The following LMNB2 variants were observed in gnomAD, a reference collection of about 807,000 sequenced individuals.
The protein encoded by LMNB2 is lamin-B2.
In LMNB2, 17 loss-of-function variants were observed where a neutral mutation model predicts 69.3. The ratio of observed to expected loss-of-function variants is 0.25; its 90% CI spans 0.17 to 0.37. LMNB2 has a LOEUF of 0.37. Among genes scored for constraint, LMNB2 ranks in the 10% least tolerant of loss-of-function variants. The pLI is 1.00. For missense variants in LMNB2, 789 were observed against 883.6 expected, an observed-to-expected ratio of 0.89 and a Z score of 1.36; for synonymous variants, 397 against 389.3, an observed-to-expected ratio of 1.02 and a Z score of -0.23.
intron 9 of LMNB2, 47 bp from the exon 10 acceptor site, chr19:2,431,949 A>C (rs1411448118): frequency 1.9e-6 from 3 of 1,575,964 alleles, no homozygotes; most frequent in Non-Finnish European, 2.6e-6. Flanking sequence ...CTCTGGTTCC[A>C]GGGACGTGGG....
rs1022185790 is a variant in LMNB2, at chr19:2,456,720, C to A, written c.214G>T (p.Asp72Tyr). Residue 72 changes from aspartate (D) to tyrosine (Y), a missense_variant, in exon 1 of 12, where the codon GAC becomes TAC. Transcript: ENST00000325327. ...TCTGAGATCTTGAGCAGGAGCCGGT[C>A]GTTCTCCAGCTCCAGCGCGCGGACG... ...DRVRALELEN[D>Y]RLLLKISEKE... The A allele has an allele frequency of 2.6e-6, 4 of 1,564,640 alleles. No homozygotes were observed. The highest frequency in any genetic ancestry group is 3.5e-6 in the Non-Finnish European group (4 of 1,156,008).
chr19:2,434,504 A>G lies in LMNB2; in HGVS notation c.993T>C (p.Ala331=). Residue 331 remains alanine, a synonymous_variant, in exon 7 of 12, where the codon GCT becomes GCC. Coordinates refer to ENST00000325327, the MANE Select transcript of LMNB2 (RefSeq NM_032737.4). ...LSGLQKQASA[A]EDRIRELEEA... ...CCTCCAGCTCCCGAATGCGATCTTC[A>G]GCGGCACTGGCCTGCGGAGGGGGCG... 1 of 1,612,628 alleles carries G rather than the reference A, an allele frequency of 6.2e-7. No individual in the cohort carries two copies. Among genetic ancestry groups the G allele is most frequent in the South Asian group, 1.1e-5 (1 of 91,080 alleles).
chr19:2,432,576 C>T, intron 8 of LMNB2, 53 bp from the exon 9 acceptor site: 1 of 1,448,946 alleles, frequency 6.9e-7, no homozygotes, highest in Non-Finnish European at 9.7e-7. Flanking sequence ...GTGACACCGC[C>T]CCCATCGCCC....
In LMNB2 at chr19:2,438,266, G is replaced by A; in HGVS notation, c.581C>T (p.Ala194Val). Residue 194 changes from alanine (A) to valine (V), a missense_variant, in exon 4 of 12, where the codon GCC (alanine) becomes GTC (valine). Around this residue, in one of 3 missense-constraint regions of LMNB2, gnomAD observed 609 missense variants for 630.9 expected, o/e 0.97. Coordinates refer to ENST00000325327, the MANE Select transcript of LMNB2 (RefSeq NM_032737.4). ...CGTCTCCTTCTCCAGCTGCTTTTTG[G>A]CCACTGCATGACCGTCCTCGGCCTG... ...LAKAEDGHAV[A>V]KKQLEKETLM... 1 of 1,614,052 alleles carries A rather than the reference G, an allele frequency of 6.2e-7. No homozygotes were observed. The highest frequency in any genetic ancestry group is 8.5e-7 in the Non-Finnish European group (1 of 1,180,036).
At chr19:2,434,755 G>T in intron 6 of LMNB2, 33 bp downstream of exon 6, 3 of 1,585,980 alleles carry the variant, frequency 1.9e-6, no homozygotes, top group East Asian at 2.3e-5. Context: ...GTTGGGCCAG[G>T]GGGACGGCAG....
chr19:2,449,010 G>A (rs1193051516), intron 1 of LMNB2, among the ~76,000 whole-genome samples: 1 of 152,120 alleles, frequency 6.6e-6, no homozygotes, highest in Admixed American at 6.6e-5. Flanking sequence ...TGTCTCAGCT[G>A]CCCCAATAGC....
rs781566425 is a variant in LMNB2 at position 2,431,775 on chromosome 19, A to T, written c.1710+8T>A. On this transcript the variant is annotated splice_region_variant and intron_variant, in intron 10 of 11. Coordinates refer to ENST00000325327, the MANE Select transcript of LMNB2 (RefSeq NM_032737.4). ...CAGCCGAGCACCCCCCAAGCCACAC[A>T]CACCCACCTCGCCATCCGCGTTAAC... The T allele has an allele frequency of 1.9e-6, 3 of 1,613,530 alleles. No homozygotes were observed. The African/African-American group carries it at 4.0e-5, about 22-fold the overall frequency.
Position 2,430,329 on chromosome 19 carries a change from A to T in LMNB2, c.*582T>A. The T allele has an allele frequency of 5.8e-6, 1 of 172,060 alleles. No homozygotes were observed. The highest frequency in any genetic ancestry group is 1.3e-5 in the Non-Finnish European group (1 of 79,046). 10.7% of individuals were successfully genotyped at this position (172,060 alleles called of 1,614,324 possible). A position where few individuals can be genotyped will look rare whatever the true frequency, so the allele number is the denominator to read the frequency against. On this transcript the variant is annotated 3_prime_UTR_variant, in exon 12 of 12. Transcript: ENST00000325327. ...GTGCGCTGCCAGAACGGGAATCTGG[A>T]AGCCCAGGCAGCGGAGTGAAAACCC...
At position 2,432,783 on chromosome 19, in the gene LMNB2, C is replaced by T. The variant is rs2007749; in HGVS notation, c.1483-260G>A. Among the ~76,000 whole-genome samples the T allele has an allele frequency of 0.079, 11,634 of 146,606 alleles. 668 individuals carry two copies. Among genetic ancestry groups the T allele is most frequent in the East Asian group, 0.33 (1,494 of 4,470 alleles). ...GCCCCGGTCTTTCCAGTCATCTTGT[C>T]CCCTGCCTCGCATTGGCCGGCAGCC... On this transcript the variant is annotated intron_variant, in intron 8 of 11. Transcript: ENST00000325327.
At chr19:2,446,883 G>C (rs2145466156) in intron 1 of LMNB2, among the ~76,000 whole-genome samples, 1 of 152,266 alleles carries the variant, frequency 6.6e-6, no homozygotes, top group Non-Finnish European at 1.5e-5. Context: ...GCTCACACCT[G>C]TAATCCCAGC....
Position 2,456,800 on chromosome 19 carries a change from TG to T in LMNB2, c.133del (p.Gln45ArgfsTer40). 1 of 1,503,112 alleles carries T rather than the reference TG, an allele frequency of 6.7e-7. No individual in the cohort carries two copies. The highest frequency in any genetic ancestry group is 8.9e-7 in the Non-Finnish European group (1 of 1,122,300). The allele number at this position is 1,503,112 out of a possible 1,614,324, so 93.1% of individuals were successfully genotyped here. ...PLSPTRLSRL[Q>X]EKEELRELND... ...GAGCTCGCGCAGCTCCTCCTTCTCC[TG>T]CAGCCGCGACAGGCGCGTGGGCGAC... is the stretch of plus-strand genomic sequence containing the variant. On this transcript the variant is annotated frameshift_variant, in exon 1 of 12. Transcript: ENST00000325327. LOFTEE classifies it high-confidence loss of function.
At position 2,435,055 on chromosome 19, in the gene LMNB2, G is replaced by C; in HGVS notation, c.801C>G (p.His267Gln). 2.5e-6 allele frequency: 4 copies of C among 1,610,678 alleles called. No homozygotes were observed. Among genetic ancestry groups the C allele is most frequent in the Non-Finnish European group, 3.4e-6 (4 of 1,179,672 alleles). The change falls in exon 5 of 12, where the codon CAC becomes CAG. Residue 267 changes from histidine (H) to glutamine (Q), a missense_variant. His to Gln is a conservative substitution (Grantham distance 24). Transcript: ENST00000325327. Reference protein sequence around the residue: ...AQALEELRSQHDEQVRLYKLE... With the variant: ...AQALEELRSQQDEQVRLYKLE... ...GCTTGTAGAGCCGCACTTGCTCGTC[G>C]TGCTGGCTCCGCAGCTCCTCCAGCG... is the stretch of plus-strand genomic sequence containing the variant.
chr19:2,432,320 CCCCA>C, intron 9 of LMNB2, 92 bp downstream of exon 9: 2 of 855,990 alleles, frequency 2.3e-6, no homozygotes, highest in Non-Finnish European at 3.8e-6. Context: ...CCACCATCAT[CCCCA>C]CCCACCCCCG....
chr19:2,433,709 C>A, intron 8 of LMNB2, 117 bp downstream of exon 8: 2 of 1,319,170 alleles, frequency 1.5e-6, no homozygotes, highest in South Asian at 1.2e-5. Flanking sequence ...ATGCCCCGGT[C>A]ATTCCGGTCA....
Position 2,456,650 on chromosome 19 carries a change from CCCTAAGCCCCGGCG to C in LMNB2, c.264+6_264+19del. On this transcript the variant is annotated splice_donor_region_variant and intron_variant, in intron 1 of 11. Coordinates refer to ENST00000325327, the MANE Select transcript of LMNB2 (RefSeq NM_032737.4). Reference sequence around the variant, plus strand: ...CCTGCCGGCTGCACCCCCGCCCGGCCCCTAAGCCCCGGCGCCCACCTCGCGCGTGGTCACCTCCT... The same window carrying C: ...CCTGCCGGCTGCACCCCCGCCCGGCCCCCACCTCGCGCGTGGTCACCTCCT... 3.4e-6 allele frequency: 5 copies of C among 1,489,208 alleles called. No homozygotes were observed. Among genetic ancestry groups the C allele is most frequent in the Non-Finnish European group, 4.5e-6 (5 of 1,116,620 alleles). 92.2% of individuals were successfully genotyped at this position (1,489,208 alleles called of 1,614,324 possible). A position where few individuals can be genotyped will look rare whatever the true frequency, so the allele number is the denominator to read the frequency against.
chr19:2,456,521 C>T, intron 1 of LMNB2, 149 bp downstream of exon 1: 1 of 806,888 alleles, frequency 1.2e-6, no homozygotes, highest in Non-Finnish European at 1.7e-6. Context: ...ACCCCTCACT[C>T]AGGGGCCCCC....
chr19:2,454,651 G>T (rs867599403), intron 1 of LMNB2, among the ~76,000 whole-genome samples: 1 of 152,130 alleles, frequency 6.6e-6, no homozygotes, highest in Non-Finnish European at 1.5e-5. Context: ...CCAGATGGGC[G>T]AGTGGGGACT....
At chr19:2,436,160 A>G (rs932527864) in intron 4 of LMNB2, among the ~76,000 whole-genome samples, 3 of 151,726 alleles carry the variant, frequency 2.0e-5, no homozygotes, top group Non-Finnish European at 4.4e-5. Context: ...GCACCCGCCT[A>G]TAATCCCAGC....
chr19:2,450,220 G>A (rs1390733730), intron 1 of LMNB2, among the ~76,000 whole-genome samples: 6 of 151,884 alleles, frequency 4.0e-5, no homozygotes, highest in Non-Finnish European at 8.8e-5. Context: ...ACATCCTACT[G>A]CACACCTGCC....
Sources: allele counts gnomAD v4.1 joint callset (sites outside exome capture counted in the v4.1 genomes callset), GRCh38; gene constraint gnomAD v4.1.1; regional missense constraint gnomAD v4.1.1; transcripts MANE v1.5; gene names NCBI Gene and HGNC (gene_info 2026-07-23, HGNC 2026-07-21).